The following TFB1M variants were observed in gnomAD, a reference collection of about 807,000 sequenced individuals.
TFB1M encodes transcription factor B1, mitochondrial, also known as dimethyladenosine transferase 1, mitochondrial.
In TFB1M, 27 loss-of-function variants were observed where a neutral mutation model predicts 31.1. That is an observed-to-expected ratio of 0.87 (90% confidence interval 0.64 to 1.20). The LOEUF is 1.20. Among genes scored for constraint, TFB1M ranks in the 50% most tolerant of loss-of-function variants. The pLI, the probability that TFB1M is intolerant of heterozygous loss-of-function variation, is 0.00. For missense variants in TFB1M, 394 were observed against 418.7 expected (o/e 0.94, Z 0.51); for synonymous variants, 166 against 151.8 (o/e 1.09, Z -0.69).
chr6:155,311,458 TATA>T (rs1157038062), intron 1 of TFB1M, 119 bp from the exon 2 acceptor site: 2 of 809,910 alleles, frequency 2.5e-6, no homozygotes, highest in Non-Finnish European at 2.0e-6. Flanking sequence ...ATCCTTTATG[TATA>T]ATATTTATTT....
At position 155,290,406 on chromosome 6, in the gene TFB1M, A is replaced by AAAG. The variant is rs1554255534; in HGVS notation, c.547-5130_547-5129insCTT. Among the ~76,000 whole-genome samples, 900 of 114,684 alleles carry AAAG rather than the reference A, an allele frequency of 7.8e-3. 9 individuals carry two copies. The highest frequency in any genetic ancestry group is 0.025 in the African/African-American group (723 of 28,500). 75.2% of individuals were successfully genotyped at this position (114,684 alleles called of 152,430 possible). On this transcript the variant is annotated intron_variant, in intron 4 of 6. Coordinates refer to ENST00000367166, the MANE Select transcript of TFB1M (RefSeq NM_016020.4). Reference sequence around the variant, plus strand: ...TCGGCCTCAAAAAAAAAAAAAAAAAAAAAAGAAAAGAATGGACTAATATAG... The same window carrying AAAG: ...TCGGCCTCAAAAAAAAAAAAAAAAAAAAGAAAAGAAAAGAATGGACTAATATAG...
Position 155,260,400 on chromosome 6 carries a change from C to T in TFB1M, c.667G>A (p.Val223Met). Residue 223 changes from valine (V) to methionine (M), a missense_variant and splice_region_variant, in exon 6 of 7, where the codon GTG (valine) becomes ATG (methionine). Transcript: ENST00000367166. ...PGQAFVPKPE[V>M]DVGVVHFTPL... ...GTGAAGTGCACCACGCCCACGTCCA[C>T]CTTCGTTGTAAGCAAACATATTATC... The T allele has an allele frequency of 6.2e-7, 1 of 1,614,224 alleles. No individual in the cohort carries two copies. The highest frequency in any genetic ancestry group is 8.5e-7 in the Non-Finnish European group (1 of 1,180,050).
In TFB1M at chr6:155,286,660, T is replaced by C. The variant is rs1313830308; in HGVS notation, c.547-1383A>G. 2.0e-5 allele frequency among the ~76,000 whole-genome samples: 3 copies of C among 148,210 alleles called. 1 individual carries two copies. The highest frequency in any genetic ancestry group is 5.0e-5 in the African/African-American group (2 of 40,362). ...ATATGTGTGTGTGTGTATATATATA[T>C]GTATATATACATATATATATATTTT... is the stretch of plus-strand genomic sequence containing the variant. On this transcript the variant is annotated intron_variant, in intron 4 of 6. Coordinates refer to ENST00000367166, the MANE Select transcript of TFB1M (RefSeq NM_016020.4).
chr6:155,276,469 C>T, intron 5 of TFB1M: 2 of 1,190,490 alleles, frequency 1.7e-6, no homozygotes, highest in Non-Finnish European at 2.3e-6. Flanking sequence ...TTAACTTTCC[C>T]TACAAAGAAA....
intron 5 of TFB1M, among the ~76,000 whole-genome samples, chr6:155,267,437 T>C (rs1169823100): frequency 6.6e-6 from 1 of 152,254 alleles, no homozygotes; most frequent in Non-Finnish European, 1.5e-5. Flanking sequence ...GTCTTCAGTA[T>C]GTCCAAAGAA....
chr6:155,240,818 G>A, the TFB1M span: 2 of 1,117,252 alleles, frequency 1.8e-6, no homozygotes, highest in Non-Finnish European at 2.5e-6. Context: ...CCACTCCCCA[G>A]GGGGGGACAC....
intron 5 of TFB1M, among the ~76,000 whole-genome samples, chr6:155,279,275 T>C (rs1785377477): frequency 6.6e-6 from 1 of 151,992 alleles, no homozygotes; most frequent in Non-Finnish European, 1.5e-5. Context: ...AGAATTCATC[T>C]AGTAATTCTG....
rs1562382043 is a variant in TFB1M, at chr6:155,257,868, C to CTT, written c.1007_1008dup (p.Glu337LysfsTer33). 2 of 1,614,150 alleles carry CTT rather than the reference C, an allele frequency of 1.2e-6. No homozygotes were observed. Among genetic ancestry groups the CTT allele is most frequent in the Non-Finnish European group, 1.7e-6 (2 of 1,179,994 alleles). The stretch of plus-strand genomic sequence containing the variant: ...CTGTAATTCTCTGCGTCATCCTCTT[C>CTT]TTTTTCTTCATTTTTGCTTTTTCTT... On this transcript the variant is annotated frameshift_variant, in exon 7 of 7. Coordinates refer to ENST00000367166, the MANE Select transcript of TFB1M (RefSeq NM_016020.4). LOFTEE classifies it low-confidence loss of function (END_TRUNC).
At chr6:155,230,283 C>T in the TFB1M span, among the ~76,000 whole-genome samples, 1 of 152,222 alleles carries the variant, frequency 6.6e-6, no homozygotes, top group Non-Finnish European at 1.5e-5. Flanking sequence ...CTCGCACCTG[C>T]CAGACCCTGC....
chr6:155,259,141 C>T (rs1012417542), intron 6 of TFB1M, among the ~76,000 whole-genome samples: 1 of 152,194 alleles, frequency 6.6e-6, no homozygotes, highest in Non-Finnish European at 1.5e-5. Flanking sequence ...CCCTCCTCCC[C>T]CATGAATCAG....
chr6:155,281,270 T>C (rs1048972187), intron 5 of TFB1M, among the ~76,000 whole-genome samples: 1 of 152,206 alleles, frequency 6.6e-6, no homozygotes, highest in Non-Finnish European at 1.5e-5. Context: ...ACTCAGCCTA[T>C]TAACCCGACC....
intron 5 of TFB1M, among the ~76,000 whole-genome samples, chr6:155,271,799 A>G (rs1023449297): frequency 6.6e-6 from 1 of 152,238 alleles, no homozygotes; most frequent in Admixed American, 6.5e-5. Flanking sequence ...AAAACATTAT[A>G]TTAAAAGAAA....
chr6:155,288,413 T>G (rs1032801990), intron 4 of TFB1M, among the ~76,000 whole-genome samples: 1 of 152,214 alleles, frequency 6.6e-6, no homozygotes, highest in African/African-American at 2.4e-5. Context: ...AAGTAGAGAT[T>G]TAAGTTAAAG....
chr6:155,232,997 C>G, the TFB1M span: 1 of 152,170 alleles, frequency 6.6e-6, no homozygotes, highest in African/African-American at 2.4e-5. Flanking sequence ...CCAAGCAACA[C>G]AAACAGGTGC....
At chr6:155,250,464 A>C in the TFB1M span, 1 of 1,267,732 alleles carries the variant, frequency 7.9e-7, no homozygotes, top group Non-Finnish European at 1.1e-6. Flanking sequence ...TAGGGAGAAA[A>C]TGGCAGGAAC....
chr6:155,246,081 T>TTC, the TFB1M span, among the ~76,000 whole-genome samples: 1 of 152,030 alleles, frequency 6.6e-6, no homozygotes, highest in East Asian at 1.9e-4. Flanking sequence ...TTTTTTTTTT[T>TTC]TCCTTGTTAA....
intron 5 of TFB1M, among the ~76,000 whole-genome samples, chr6:155,271,449 A>G (rs1193689681): frequency 1.3e-5 from 2 of 152,246 alleles, no homozygotes; most frequent in African/African-American, 2.4e-5. Context: ...AGCAATAACA[A>G]GAAAACTCAG....
intron 4 of TFB1M, among the ~76,000 whole-genome samples, chr6:155,286,555 A>G (rs987881729): frequency 1.8e-4 from 27 of 147,780 alleles, no homozygotes; most frequent in Non-Finnish European, 3.4e-4. Context: ...ATATGTGTGT[A>G]TATATATGTA....
the TFB1M span, chr6:155,248,164 C>T: frequency 1.2e-6 from 2 of 1,613,774 alleles, no homozygotes; most frequent in Non-Finnish European, 1.7e-6. Flanking sequence ...GAGCGAGGAG[C>T]ACTACCACCT....
Sources: allele counts gnomAD v4.1 joint callset (sites outside exome capture counted in the v4.1 genomes callset), GRCh38; gene constraint gnomAD v4.1.1; transcripts MANE v1.5; gene names NCBI Gene and HGNC (gene_info 2026-07-23, HGNC 2026-07-21).